Variants in CARMIL2 observed in about 807,000 individuals in gnomAD.
CARMIL2 encodes the protein capping protein regulator and myosin 1 linker 2.
In CARMIL2, 96 loss-of-function variants were observed where a neutral mutation model predicts 173.3. The ratio of observed to expected loss-of-function variants is 0.55; its 90% CI spans 0.47 to 0.66. The LOEUF is 0.66. Among genes scored for constraint, CARMIL2 ranks in the 30% least tolerant of loss-of-function variants. The pLI is 0.00. For synonymous variants in CARMIL2, 830 were observed against 817.1 expected, an observed-to-expected ratio of 1.02 and a Z score of -0.27; for missense variants, 1,771 against 1,906.7, an observed-to-expected ratio of 0.93 and a Z score of 1.33.
chr16:67,655,920 G>T (rs1399798027), intron 32 of CARMIL2, 111 bp from the exon 33 acceptor site: 10 of 1,316,328 alleles, frequency 7.6e-6, no homozygotes, highest in African/African-American at 1.5e-5. Flanking sequence ...CCATGTTCTT[G>T]TCCAGCCCAT....
At chr16:67,656,676 C>T (rs2052864318) in intron 35 of CARMIL2, 31 bp downstream of exon 35, 1 of 1,576,210 alleles carries the variant, frequency 6.3e-7, no homozygotes, top group Non-Finnish European at 8.6e-7. Flanking sequence ...CCACCCCAAT[C>T]CTGGCCTCGG....
Position 67,646,649 on chromosome 16 carries a change from T to A in CARMIL2, c.467-65T>A. 1 of 1,587,068 alleles carries A rather than the reference T, an allele frequency of 6.3e-7. No individual in the cohort carries two copies. Among genetic ancestry groups the A allele is most frequent in the South Asian group, 1.1e-5 (1 of 90,606 alleles). On this transcript the variant is annotated intron_variant, in intron 6 of 37. Transcript: ENST00000334583. This position sits in a 1 kb window ranked among gnomAD's most constrained non-coding sequence, Gnocchi z 4.6. The stretch of plus-strand genomic sequence containing the variant: ...GCCACCACCTAGTCTGTGGGTCTGG[T>A]CTTCCTCCATCGCTGATGTTTTGTC...
In CARMIL2 at chr16:67,647,846, G is replaced by A; in HGVS notation, c.959G>A (p.Gly320Glu). The A allele has an allele frequency of 1.9e-6, 3 of 1,608,088 alleles. No individual in the cohort carries two copies. The highest frequency in any genetic ancestry group is 2.5e-6 in the Non-Finnish European group (3 of 1,177,728). ...SLAQTGLTPRGMRALGRALAT... is the reference protein window; with the variant it reads ...SLAQTGLTPREMRALGRALAT... The stretch of plus-strand genomic sequence containing the variant: ...CTGAGTGACCCCGACCCACCACCAG[G>A]AATGAGGGCTCTGGGCCGGGCACTG... Residue 320 changes from glycine (G) to glutamate (E), a missense_variant and splice_region_variant, in exon 13 of 38, where the codon GGA (glycine) becomes GAA (glutamate). Transcript: ENST00000334583.
In CARMIL2 at chr16:67,648,350, G is replaced by A. The variant is rs745845140; in HGVS notation, c.1334+36G>A. 1.9e-6 allele frequency: 3 copies of A among 1,561,404 alleles called. No individual in the cohort carries two copies. In the South Asian group the frequency reaches 3.5e-5, roughly 18 times the overall value. ...CCTGTCGGGGCCGGGGGAGGCTGCTGGAAGCCGCCTCCTTGCGGCCCCAGG... is the reference window on the plus strand; with the variant it reads ...CCTGTCGGGGCCGGGGGAGGCTGCTAGAAGCCGCCTCCTTGCGGCCCCAGG... On this transcript the variant is annotated intron_variant, in intron 14 of 37. Transcript: ENST00000334583. This position sits in a 1 kb window ranked among gnomAD's most constrained non-coding sequence, Gnocchi z 6.1.
chr16:67,646,376 A>C lies in CARMIL2; in HGVS notation c.375-50A>C, dbSNP rs1456748921. The C allele has an allele frequency of 1.2e-6, 2 of 1,607,236 alleles. No individual in the cohort carries two copies. The highest frequency in any genetic ancestry group is 2.7e-5 in the African/African-American group (2 of 74,804). ...GAGTGCATGAGAAGGGCTGCTTCCC[A>C]TCCCAGAGGCTGGAAGTCCTTTGCC... is the stretch of plus-strand genomic sequence containing the variant. On this transcript the variant is annotated intron_variant, in intron 5 of 37. Coordinates refer to ENST00000334583, the MANE Select transcript of CARMIL2 (RefSeq NM_001013838.3). The surrounding 1 kb of genome is among the most constrained non-coding windows in gnomAD (Gnocchi z 4.6).
Position 67,647,041 on chromosome 16 carries a change from C to T in CARMIL2, c.611+68C>T, listed in dbSNP as rs569472400. Reference sequence around the variant, plus strand: ...CCCATATCCCTGGGCCTCAGTTTCTCCATGGAGGGGCTGCTGGGCCTGGGA... The same window carrying T: ...CCCATATCCCTGGGCCTCAGTTTCTTCATGGAGGGGCTGCTGGGCCTGGGA... On this transcript the variant is annotated intron_variant, in intron 8 of 37. Transcript: ENST00000334583. The T allele has an allele frequency of 8.5e-5, 136 of 1,607,142 alleles. 1 individual carries two copies. The highest frequency in any genetic ancestry group is 8.8e-5 in the Non-Finnish European group (104 of 1,175,404).
intron 1 of CARMIL2, 124 bp downstream of exon 1, chr16:67,645,410 G>T: frequency 7.3e-7 from 1 of 1,362,918 alleles, no homozygotes; most frequent in East Asian, 2.5e-5. Flanking sequence ...GAGGGCAGGC[G>T]CCCCAGATCC....
chr16:67,648,034 C>T lies in CARMIL2; in HGVS notation c.1072-18C>T. 3 of 1,610,108 alleles carry T rather than the reference C, an allele frequency of 1.9e-6. No individual in the cohort carries two copies. Among genetic ancestry groups the T allele is most frequent in the Non-Finnish European group, 2.5e-6 (3 of 1,178,334 alleles). ...GTAGGCGATCCCCCACTCCATCGCA[C>T]CCCTGTCCTCCCTCCAGGGCCTCTA... On this transcript the variant is annotated intron_variant, in intron 13 of 37. Transcript: ENST00000334583. The surrounding 1 kb of genome is among the most constrained non-coding windows in gnomAD (Gnocchi z 6.1).
In CARMIL2 at chr16:67,647,841, A is replaced by G; in HGVS notation, c.959-5A>G. On this transcript the variant is annotated splice_polypyrimidine_tract_variant and splice_region_variant and intron_variant, in intron 12 of 37. Transcript: ENST00000334583. ...AACTGCTGAGTGACCCCGACCCACC[A>G]CCAGGAATGAGGGCTCTGGGCCGGG... 2 of 1,606,684 alleles carry G rather than the reference A, an allele frequency of 1.2e-6. No homozygotes were observed. Among genetic ancestry groups the G allele is most frequent in the Non-Finnish European group, 1.7e-6 (2 of 1,177,178 alleles).
Position 67,652,619 on chromosome 16 carries a change from A to T in CARMIL2, c.2884+81A>T. ...ACTTGGGGACCCGGGGACCTGGATG[A>T]ACTCATTCAGCCTTGTCTGGGTACC... On this transcript the variant is annotated intron_variant, in intron 28 of 37. Transcript: ENST00000334583. This position sits in a 1 kb window ranked among gnomAD's most constrained non-coding sequence, Gnocchi z 4.7. 7.3e-7 allele frequency: 1 copy of T among 1,363,388 alleles called. No homozygotes were observed. Among genetic ancestry groups the T allele is most frequent in the East Asian group, 2.4e-5 (1 of 42,120 alleles). The allele number at this position is 1,363,388 out of a possible 1,614,324, so 84.5% of individuals were successfully genotyped here. A position where few individuals can be genotyped will look rare whatever the true frequency, so the allele number is the denominator to read the frequency against.
In CARMIL2 at chr16:67,646,602, G is replaced by C. The variant is rs2052598702; in HGVS notation, c.466+85G>C. 6.3e-7 allele frequency: 1 copy of C among 1,575,446 alleles called. No individual in the cohort carries two copies. The highest frequency in any genetic ancestry group is 8.7e-7 in the Non-Finnish European group (1 of 1,147,166). On this transcript the variant is annotated intron_variant, in intron 6 of 37. Coordinates refer to ENST00000334583, the MANE Select transcript of CARMIL2 (RefSeq NM_001013838.3). This position sits in a 1 kb window ranked among gnomAD's most constrained non-coding sequence, Gnocchi z 4.6. ...CCGCAAGCTGGGGGGGCCCCAAACTGAACAGAGCCATTCAGGTCCCAGCCA... is the reference window on the plus strand; with the variant it reads ...CCGCAAGCTGGGGGGGCCCCAAACTCAACAGAGCCATTCAGGTCCCAGCCA...
In CARMIL2 at chr16:67,652,258, T is replaced by C. The variant is rs763449864; in HGVS notation, c.2736T>C (p.Asp912=). 4 of 1,613,250 alleles carry C rather than the reference T, an allele frequency of 2.5e-6. No homozygotes were observed. In the South Asian group the frequency reaches 4.4e-5, roughly 18 times the overall value. Residue 912 remains aspartate (D), a synonymous_variant, in exon 27 of 38, where the codon GAT becomes GAC. Transcript: ENST00000334583. This position sits in a 1 kb window ranked among gnomAD's most constrained non-coding sequence, Gnocchi z 4.7. ...VTMPPALPAP[D]GGEPSLLEPG... ...TGCCCCCTGCCCTACCAGCACCGGATGGAGGTGAGCCCAGCCTCCTTGAGC... is the reference window on the plus strand; with the variant it reads ...TGCCCCCTGCCCTACCAGCACCGGACGGAGGTGAGCCCAGCCTCCTTGAGC...
chr16:67,647,852 G>A lies in CARMIL2; in HGVS notation c.965G>A (p.Arg322Lys), dbSNP rs1384388785. 2 of 1,608,750 alleles carry A rather than the reference G, an allele frequency of 1.2e-6. No individual in the cohort carries two copies. Among genetic ancestry groups the A allele is most frequent in the African/African-American group, 1.3e-5 (1 of 74,982 alleles). Residue 322 changes from arginine (R) to lysine (K), a missense_variant, in exon 13 of 38, where the codon AGG (arginine) becomes AAG (lysine). By Grantham distance (26) the Arg-to-Lys change is conservative (BLOSUM62 2). Around this residue, in one of 3 missense-constraint regions of CARMIL2, gnomAD observed 944 missense variants for 975.6 expected, o/e 0.97. Coordinates refer to ENST00000334583, the MANE Select transcript of CARMIL2 (RefSeq NM_001013838.3). ...GACCCCGACCCACCACCAGGAATGA[G>A]GGCTCTGGGCCGGGCACTGGCCACC... is the stretch of plus-strand genomic sequence containing the variant. ...AQTGLTPRGM[R>K]ALGRALATNA...
Position 67,646,721 on chromosome 16 carries a change from C to T in CARMIL2, c.474C>T (p.Phe158=), listed in dbSNP as rs764678906. 10 of 1,613,896 alleles carry T rather than the reference C, an allele frequency of 6.2e-6. No individual in the cohort carries two copies. The South Asian group carries it at 8.8e-5, about 14-fold the overall frequency. ...CCCCTATCCCCTCCCCAGGTGGCTTCTTGGAGACATACGAGGCTCTGTGTG... is the reference window on the plus strand; with the variant it reads ...CCCCTATCCCCTCCCCAGGTGGCTTTTTGGAGACATACGAGGCTCTGTGTG... ...STDPCSPCGG[F]LETYEALCDY... The change falls in exon 7 of 38, where the codon TTC becomes TTT. Residue 158 remains phenylalanine, a synonymous_variant. Transcript: ENST00000334583. The surrounding 1 kb of genome is among the most constrained non-coding windows in gnomAD (Gnocchi z 4.6).
Position 67,645,193 on chromosome 16 carries a change from G to C in CARMIL2, c.-54G>C, listed in dbSNP as rs1055909248. The C allele has an allele frequency of 2.1e-6, 3 of 1,462,108 alleles. No homozygotes were observed. The highest frequency in any genetic ancestry group is 1.8e-4 in the Middle Eastern group (1 of 5,500). 90.6% of individuals were successfully genotyped at this position (1,462,108 alleles called of 1,614,324 possible). A position where few individuals can be genotyped will look rare whatever the true frequency, so the allele number is the denominator to read the frequency against. On this transcript the variant is annotated 5_prime_UTR_variant, in exon 1 of 38. Coordinates refer to ENST00000334583, the MANE Select transcript of CARMIL2 (RefSeq NM_001013838.3). ...CCCCAGGCTTCCTGTGTGCGCGCTC[G>C]TCCTCTGCTGTTTCCCGCCGGAGCT...
rs1486645157 is a variant in CARMIL2, at chr16:67,653,014, C to T, written c.2885-5C>T. ...CTCGGTGCTCTTCTGGTGCTGTCCCCTCAGGTGCTGCTGAGGAAGCGGAGC... is the reference window on the plus strand; with the variant it reads ...CTCGGTGCTCTTCTGGTGCTGTCCCTTCAGGTGCTGCTGAGGAAGCGGAGC... On this transcript the variant is annotated splice_polypyrimidine_tract_variant and splice_region_variant and intron_variant, in intron 28 of 37. Transcript: ENST00000334583. The surrounding 1 kb of genome is among the most constrained non-coding windows in gnomAD (Gnocchi z 7.4). 2 of 1,268,982 alleles carry T rather than the reference C, an allele frequency of 1.6e-6. No individual in the cohort carries two copies. The highest frequency in any genetic ancestry group is 1.4e-5 in the South Asian group (1 of 70,994). 78.6% of individuals were successfully genotyped at this position (1,268,982 alleles called of 1,614,324 possible).
chr16:67,648,022 C>G lies in CARMIL2; in HGVS notation c.1072-30C>G, dbSNP rs1164714434. The stretch of plus-strand genomic sequence containing the variant: ...CATAAGCCCTGGGTAGGCGATCCCC[C>G]ACTCCATCGCACCCCTGTCCTCCCT... On this transcript the variant is annotated intron_variant, in intron 13 of 37. Coordinates refer to ENST00000334583, the MANE Select transcript of CARMIL2 (RefSeq NM_001013838.3). This position sits in a 1 kb window ranked among gnomAD's most constrained non-coding sequence, Gnocchi z 6.1. 1.2e-6 allele frequency: 2 copies of G among 1,608,246 alleles called. No individual in the cohort carries two copies. Among genetic ancestry groups the G allele is most frequent in the Non-Finnish European group, 1.7e-6 (2 of 1,177,530 alleles).
rs1422804119 is a variant in CARMIL2 at position 67,646,585 on chromosome 16, T to TG, written c.466+75dup. The TG allele has an allele frequency of 4.2e-5, 67 of 1,585,488 alleles. No homozygotes were observed. Among genetic ancestry groups the TG allele is most frequent in the Admixed American group, 1.2e-4 (7 of 58,974 alleles). On this transcript the variant is annotated intron_variant, in intron 6 of 37. Coordinates refer to ENST00000334583, the MANE Select transcript of CARMIL2 (RefSeq NM_001013838.3). The surrounding 1 kb of genome is among the most constrained non-coding windows in gnomAD (Gnocchi z 4.6). ...CCTCTGCCTCCCCAGACCCGCAAGC[T>TG]GGGGGGGCCCCAAACTGAACAGAGC...
intron 33 of CARMIL2, 72 bp from the exon 34 acceptor site, chr16:67,656,156 A>G (rs1567637265): frequency 6.2e-7 from 1 of 1,610,544 alleles, no homozygotes; most frequent in Admixed American, 1.7e-5. Context: ...TTGGGGAGGA[A>G]GGGGAGAGGC....
Sources: allele counts gnomAD v4.1 joint callset, GRCh38; gene constraint gnomAD v4.1.1; regional missense constraint gnomAD v4.1.1; non-coding constraint Gnocchi (gnomAD v3.1); transcripts MANE v1.5; gene names NCBI Gene and HGNC (gene_info 2026-07-23, HGNC 2026-07-21).